The following KDM4B variants were observed in gnomAD, a reference collection of about 807,000 sequenced individuals.
KDM4B encodes lysine-specific demethylase 4B.
KDM4B carries 32 observed loss-of-function variants against 125.2 expected under a neutral mutation model. The observed-to-expected ratio is 0.26, with a 90% confidence interval of 0.19 to 0.34. The LOEUF (loss-of-function observed/expected upper bound fraction) is 0.34, where lower values mean the gene tolerates loss of function less well. Ranked by LOEUF, KDM4B falls within the 10% of genes least tolerant of loss-of-function variation. The pLI, the probability that KDM4B is intolerant of heterozygous loss-of-function variation, is 1.00. For synonymous variants in KDM4B, 721 were observed against 677.9 expected (o/e 1.06, Z -0.99); for missense variants, 1,190 against 1,577.7 (o/e 0.75, Z 4.16).
chr19:5,111,695 G>C, intron 10 of KDM4B: 1 of 745,798 alleles, frequency 1.3e-6, no homozygotes, highest in South Asian at 1.4e-5. Flanking sequence ...GGAGCCGGGA[G>C]GGACGGCACA....
chr19:5,068,815 G>A (rs542432618), intron 6 of KDM4B, among the ~76,000 whole-genome samples: 1 of 152,364 alleles, frequency 6.6e-6, no homozygotes. Flanking sequence ...TTCTGATAAC[G>A]CCAGAGCCAC....
rs778396591 is a variant in KDM4B at position 5,115,635 on chromosome 19, C to T, written c.1116-4018C>T. ...CTGCGCTCCCATGACAAAGGCAGGG[C>T]CTGCACAGCAAAGAAGGGCAGAGCT... On this transcript the variant is annotated intron_variant, in intron 10 of 22. Transcript: ENST00000159111. This position sits in a 1 kb window ranked among gnomAD's most constrained non-coding sequence, Gnocchi z 4.2. 4.6e-5 allele frequency among the ~76,000 whole-genome samples: 7 copies of T among 152,232 alleles called. No individual in the cohort carries two copies. The highest frequency in any genetic ancestry group is 2.6e-4 in the Admixed American group (4 of 15,280).
In KDM4B at chr19:5,032,849, C is replaced by CTA; in HGVS notation, c.-25-16_-25-15insAT. ...TGGCGGCACCGCTGGTTCACCCTCT[C>CTA]TCGTCTTCCTCCACAGGTGTGCTTC... On this transcript the variant is annotated splice_polypyrimidine_tract_variant and intron_variant, in intron 2 of 22. Transcript: ENST00000159111. 6.2e-7 allele frequency: 1 copy of CTA among 1,607,896 alleles called. No homozygotes were observed. The highest frequency in any genetic ancestry group is 8.5e-7 in the Non-Finnish European group (1 of 1,176,016).
At chr19:5,125,814 A>C (rs2039439292) in intron 11 of KDM4B, among the ~76,000 whole-genome samples, 1 of 86,824 alleles carries the variant, frequency 1.2e-5, no homozygotes, top group Non-Finnish European at 2.3e-5. Flanking sequence ...TCTCTGTTCC[A>C]CGACAGAGAC....
At chr19:4,998,336 T>C (rs1290147371) in intron 1 of KDM4B, among the ~76,000 whole-genome samples, 1 of 152,180 alleles carries the variant, frequency 6.6e-6, no homozygotes, top group East Asian at 1.9e-4. Flanking sequence ...CCCTTTTTTG[T>C]TGTTTTTGTT....
intron 1 of KDM4B, among the ~76,000 whole-genome samples, chr19:5,006,876 C>T (rs1041121647): frequency 1.3e-5 from 2 of 152,258 alleles, no homozygotes; most frequent in East Asian, 1.9e-4. Context: ...ATGTTCCGCT[C>T]TGTGAAGTGG....
rs376827867 is a variant in KDM4B, at chr19:5,035,863, C to CTGTGTG, written c.141+2845_141+2850dup. On this transcript the variant is annotated intron_variant, in intron 3 of 22. Coordinates refer to ENST00000159111, the MANE Select transcript of KDM4B (RefSeq NM_015015.3). The surrounding 1 kb of genome is among the most constrained non-coding windows in gnomAD (Gnocchi z 5.3). ...GGAGGGGCTGTGTGTGCACGTGTCT[C>CTGTGTG]TGTGTGTGTGTGTGTGTGCGCGCGC... 8.7e-4 allele frequency among the ~76,000 whole-genome samples: 124 copies of CTGTGTG among 142,260 alleles called. No homozygotes were observed. Among genetic ancestry groups the CTGTGTG allele is most frequent in the African/African-American group, 2.4e-3 (91 of 38,520 alleles). 93.3% of individuals were successfully genotyped at this position (142,260 alleles called of 152,430 possible). A position where few individuals can be genotyped will look rare whatever the true frequency, so the allele number is the denominator to read the frequency against.
At chr19:5,124,968 C>T (rs561399533) in intron 11 of KDM4B, among the ~76,000 whole-genome samples, 23 of 152,030 alleles carry the variant, frequency 1.5e-4, no homozygotes, top group African/African-American at 2.4e-4. Context: ...GGTGCAGTCA[C>T]GGCTCACTGC....
chr19:5,150,163 G>A (rs1433572863), intron 21 of KDM4B, among the ~76,000 whole-genome samples, 195 bp from the exon 22 acceptor site: 2 of 152,232 alleles, frequency 1.3e-5, no homozygotes, highest in Admixed American at 1.3e-4. Flanking sequence ...CCCGTGGTAC[G>A]GGACCCTCAG....
chr19:5,103,716 A>G (rs944104884), intron 9 of KDM4B, among the ~76,000 whole-genome samples: 2 of 152,190 alleles, frequency 1.3e-5, no homozygotes, highest in African/African-American at 2.4e-5. Flanking sequence ...CTGTGACGGT[A>G]TCTGTCAGTG....
intron 8 of KDM4B, chr19:5,080,666 C>G (rs1386542551): frequency 6.6e-6 from 1 of 152,226 alleles, no homozygotes; most frequent in Non-Finnish European, 1.5e-5. Flanking sequence ...AAGCATGTAC[C>G]CTGTGCCCCA....
intron 2 of KDM4B, among the ~76,000 whole-genome samples, chr19:5,028,631 G>C (rs1374912322): frequency 2.6e-5 from 4 of 152,172 alleles, no homozygotes; most frequent in Admixed American, 2.6e-4. Context: ...ATTTATGTGT[G>C]ACATTTCCAG....
rs2036600355 is a variant in KDM4B at position 5,035,863 on chromosome 19, C to CTCTGTGTG, written c.141+2833_141+2834insCTGTGTGT. ...GGAGGGGCTGTGTGTGCACGTGTCT[C>CTCTGTGTG]TGTGTGTGTGTGTGTGTGCGCGCGC... is the stretch of plus-strand genomic sequence containing the variant. On this transcript the variant is annotated intron_variant, in intron 3 of 22. Coordinates refer to ENST00000159111, the MANE Select transcript of KDM4B (RefSeq NM_015015.3). This position sits in a 1 kb window ranked among gnomAD's most constrained non-coding sequence, Gnocchi z 5.3. Among the ~76,000 whole-genome samples the CTCTGTGTG allele has an allele frequency of 7.0e-6, 1 of 142,188 alleles. No homozygotes were observed. Among genetic ancestry groups the CTCTGTGTG allele is most frequent in the African/African-American group, 2.6e-5 (1 of 38,430 alleles). 93.3% of individuals were successfully genotyped at this position (142,188 alleles called of 152,430 possible). A position where few individuals can be genotyped will look rare whatever the true frequency, so the allele number is the denominator to read the frequency against.
chr19:5,137,818 G>A, intron 17 of KDM4B, 142 bp downstream of exon 17: 1 of 1,053,056 alleles, frequency 9.5e-7, no homozygotes, highest in South Asian at 1.5e-5. Context: ...GGTGGCCAGG[G>A]CTGAGGAGGA....
intron 5 of KDM4B, among the ~76,000 whole-genome samples, chr19:5,041,457 C>T (rs1833562398): frequency 6.6e-6 from 1 of 152,192 alleles, no homozygotes; most frequent in Admixed American, 6.5e-5. Flanking sequence ...CCCCTCCTGC[C>T]TCACCCTGCA....
At chr19:5,075,279 T>G (rs1166218547) in intron 7 of KDM4B, 1 of 152,322 alleles carries the variant, frequency 6.6e-6, no homozygotes, top group Non-Finnish European at 1.5e-5. Flanking sequence ...TGGTGTTGGT[T>G]CCGGGGGCCC....
At chr19:5,039,459 A>G (rs1355218974) in intron 3 of KDM4B, among the ~76,000 whole-genome samples, 1 of 152,090 alleles carries the variant, frequency 6.6e-6, no homozygotes, top group Non-Finnish European at 1.5e-5. Context: ...TCTCAACAAC[A>G]ACAACAACAA....
At chr19:5,051,200 G>C (rs984422070) in intron 6 of KDM4B, among the ~76,000 whole-genome samples, 2 of 152,264 alleles carry the variant, frequency 1.3e-5, no homozygotes, top group Non-Finnish European at 2.9e-5. Flanking sequence ...CCAGCCCTGA[G>C]AGAGTTGCTG....
At chr19:5,032,266 G>A (rs1359130659) in intron 2 of KDM4B, among the ~76,000 whole-genome samples, 1 of 152,210 alleles carries the variant, frequency 6.6e-6, no homozygotes, top group Non-Finnish European at 1.5e-5. Context: ...TATGACCCGC[G>A]TGACTCTGGG....
Sources: gnomAD v4.1 joint callset for allele counts (sites outside exome capture counted in the v4.1 genomes callset) on GRCh38, gnomAD v4.1.1 for gene constraint, Gnocchi (gnomAD v3.1) non-coding constraint, MANE v1.5 for transcripts, NCBI Gene and HGNC (gene_info 2026-07-23, HGNC 2026-07-21) for gene names.